LMX1A: variants seen among roughly 807,000 people sequenced by gnomAD.
LMX1A encodes the protein LIM homeobox transcription factor 1 alpha.
LMX1A carries 15 observed loss-of-function variants against 49.1 expected under a neutral mutation model. That is an observed-to-expected ratio of 0.31 (90% confidence interval 0.20 to 0.47). The LOEUF (loss-of-function observed/expected upper bound fraction) is 0.47. LMX1A is among the 20% of genes least tolerant of loss of function. LMX1A has a pLI of 1.00. For missense variants in LMX1A, 372 were observed against 475.8 expected (o/e 0.78, Z 2.03); for synonymous variants, 167 against 185.7 (o/e 0.90, Z 0.82).
intron 3 of LMX1A, among the ~76,000 whole-genome samples, chr1:165,285,569 A>G (rs76776117): frequency 0.017 from 2,620 of 152,302 alleles, 61 homozygotes; most frequent in African/African-American, 0.06. Context: ...CAAGGTGAAC[A>G]CATGCTTATG....
rs534211642 is a variant in LMX1A at position 165,250,829 on chromosome 1, A to T, written c.264-1189T>A. 3.3e-5 allele frequency among the ~76,000 whole-genome samples: 5 copies of T among 152,282 alleles called. No individual in the cohort carries two copies. The South Asian group carries it at 1.0e-3, about 32-fold the overall frequency. ...ATTTAGTATGTATTCAATACATATAAGTCAAACAAAAGACAGTAAGGAAGC... is the reference window on the plus strand; with the variant it reads ...ATTTAGTATGTATTCAATACATATATGTCAAACAAAAGACAGTAAGGAAGC... On this transcript the variant is annotated intron_variant, in intron 3 of 8. Coordinates refer to ENST00000342310, the MANE Select transcript of LMX1A (RefSeq NM_177398.4).
intron 4 of LMX1A, among the ~76,000 whole-genome samples, chr1:165,231,411 T>TA (rs1383408185): frequency 6.6e-6 from 1 of 151,996 alleles, no homozygotes; most frequent in Non-Finnish European, 1.5e-5. Context: ...TCAACCATCC[T>TA]ACAGCCTCAG....
At chr1:165,217,916 G>A (rs1222169853) in intron 4 of LMX1A, among the ~76,000 whole-genome samples, 1 of 152,152 alleles carries the variant, frequency 6.6e-6, no homozygotes, top group Non-Finnish European at 1.5e-5. Context: ...TTTCTAAGAA[G>A]CACTTCATGC....
chr1:165,347,030 A>G (rs556205417), intron 3 of LMX1A, among the ~76,000 whole-genome samples: 5 of 152,350 alleles, frequency 3.3e-5, no homozygotes, highest in East Asian at 3.9e-4. Context: ...TGCAGTCGAC[A>G]TTGGTCAATG....
chr1:165,241,030 C>A (rs12094725), intron 4 of LMX1A, among the ~76,000 whole-genome samples: 3,367 of 152,292 alleles, frequency 0.022, 127 homozygotes, highest in African/African-American at 0.077. Flanking sequence ...TCTATTAAAT[C>A]TCAGAAGTAA....
chr1:165,235,485 GC>G (rs1652399262), intron 4 of LMX1A, among the ~76,000 whole-genome samples: 1 of 152,208 alleles, frequency 6.6e-6, no homozygotes, highest in Non-Finnish European at 1.5e-5. Context: ...TCGCAGGCTG[GC>G]CCGAAGGCGC....
intron 1 of LMX1A, 96 bp downstream of exon 1, chr1:165,356,259 C>T (rs1380588981): frequency 1.3e-5 from 2 of 152,276 alleles, no homozygotes; most frequent in Non-Finnish European, 1.5e-5. Context: ...GGGGAGGAGC[C>T]CCGGCTGGCC....
At chr1:165,347,468 T>C (rs1656286797) in intron 3 of LMX1A, among the ~76,000 whole-genome samples, 1 of 152,234 alleles carries the variant, frequency 6.6e-6, no homozygotes, top group African/African-American at 2.4e-5. Flanking sequence ...ACCCCATCCC[T>C]ATATCTCACC....
At chr1:165,278,860 T>C (rs905209667) in intron 3 of LMX1A, among the ~76,000 whole-genome samples, 21 of 152,272 alleles carry the variant, frequency 1.4e-4, no homozygotes, top group Admixed American at 1.1e-3. Flanking sequence ...CCAGTGCTGC[T>C]GAGGTCCCAG....
At chr1:165,223,537 T>A (rs1209457222) in intron 4 of LMX1A, among the ~76,000 whole-genome samples, 1 of 152,168 alleles carries the variant, frequency 6.6e-6, no homozygotes, top group African/African-American at 2.4e-5. Flanking sequence ...AGCAATGGGA[T>A]AAAGAATGAC....
At chr1:165,349,931 G>C (rs2101771392) in intron 3 of LMX1A, among the ~76,000 whole-genome samples, 1 of 152,236 alleles carries the variant, frequency 6.6e-6, no homozygotes, top group East Asian at 1.9e-4. Flanking sequence ...TGATAAACTT[G>C]CTTTGTTAAT....
rs769366101 is a variant in LMX1A at position 165,355,509 on chromosome 1, G to A, written c.51C>T (p.Thr17=). The A allele has an allele frequency of 3.7e-6, 6 of 1,614,042 alleles. No individual in the cohort carries two copies. The highest frequency in any genetic ancestry group is 5.1e-6 in the Non-Finnish European group (6 of 1,179,990). The change falls in exon 2 of 9, where the codon ACC becomes ACT. Residue 17 remains threonine (T), a synonymous_variant. Transcript: ENST00000342310. The surrounding 1 kb of genome is among the most constrained non-coding windows in gnomAD (Gnocchi z 4.7). ...MEENFQSAID[T]SASFSSLLGR... ...CCAGCAGCGAGGAGAAGGAGGCCGAGGTGTCGATCGCGCTTTGGAAGTTCT... is the reference window on the plus strand; with the variant it reads ...CCAGCAGCGAGGAGAAGGAGGCCGAAGTGTCGATCGCGCTTTGGAAGTTCT...
At chr1:165,313,055 C>A (rs373451268) in intron 3 of LMX1A, among the ~76,000 whole-genome samples, 1 of 152,252 alleles carries the variant, frequency 6.6e-6, no homozygotes, top group African/African-American at 2.4e-5. Context: ...GTCTAATGAC[C>A]TTATATCCTC....
At chr1:165,327,030 A>G (rs1426443624) in intron 3 of LMX1A, among the ~76,000 whole-genome samples, 1 of 152,154 alleles carries the variant, frequency 6.6e-6, no homozygotes, top group East Asian at 1.9e-4. Context: ...CCATGGCTCA[A>G]CAACTCAATT....
intron 3 of LMX1A, among the ~76,000 whole-genome samples, chr1:165,258,477 G>A (rs1466504847): frequency 6.6e-6 from 1 of 152,174 alleles, no homozygotes; most frequent in Non-Finnish European, 1.5e-5. Context: ...TTCTATAGGA[G>A]ACAGTCTCAA....
At chr1:165,296,621 T>C (rs1240840234) in intron 3 of LMX1A, among the ~76,000 whole-genome samples, 1 of 152,256 alleles carries the variant, frequency 6.6e-6, no homozygotes, top group Non-Finnish European at 1.5e-5. Context: ...TCTAGTGTGG[T>C]ATAAACGGCA....
intron 3 of LMX1A, among the ~76,000 whole-genome samples, chr1:165,328,191 C>G (rs1655642919): frequency 6.6e-6 from 1 of 152,254 alleles, no homozygotes; most frequent in Non-Finnish European, 1.5e-5. Context: ...CCTGTGGATT[C>G]TGGTCAGTTG....
chr1:165,205,403 TTA>T (rs1009912411), intron 8 of LMX1A, among the ~76,000 whole-genome samples: 4 of 152,176 alleles, frequency 2.6e-5, no homozygotes, highest in African/African-American at 9.7e-5. Flanking sequence ...ACAAGTCAGT[TTA>T]TGTTTCACTA....
intron 3 of LMX1A, among the ~76,000 whole-genome samples, chr1:165,276,919 C>T (rs988136654): frequency 2.0e-5 from 3 of 152,194 alleles, no homozygotes; most frequent in Non-Finnish European, 2.9e-5. Flanking sequence ...TAAAGAGATA[C>T]AGAGAGGTAA....
Sources: allele counts gnomAD v4.1 joint callset (sites outside exome capture counted in the v4.1 genomes callset), GRCh38; gene constraint gnomAD v4.1.1; non-coding constraint Gnocchi (gnomAD v3.1); transcripts MANE v1.5; gene names NCBI Gene and HGNC (gene_info 2026-07-23, HGNC 2026-07-21).